Variants in PLEKHA5 observed in about 807,000 individuals in gnomAD.
The protein encoded by PLEKHA5 is pleckstrin homology domain containing A5, also known as pleckstrin homology domain-containing family A member 5.
In PLEKHA5, 55 loss-of-function variants were observed where a neutral mutation model predicts 181.9. The observed-to-expected ratio is 0.30, with a 90% CI of 0.24 to 0.38. The LOEUF (loss-of-function observed/expected upper bound fraction) is 0.38, where lower values mean the gene tolerates loss of function less well. Among genes scored for constraint, PLEKHA5 ranks in the 10% least tolerant of loss-of-function variants. The probability of loss-of-function intolerance (pLI) is 1.00; values close to 1 mark genes in which losing one functional copy is unlikely to be tolerated. For missense variants in PLEKHA5, 1,432 were observed against 1,549.5 expected (o/e 0.92, Z 1.27); for synonymous variants, 535 against 529.4 (o/e 1.01, Z -0.15).
intron 20 of PLEKHA5, among the ~76,000 whole-genome samples, chr12:19,328,454 G>A (rs1186918449): frequency 6.6e-6 from 1 of 151,982 alleles, no homozygotes; most frequent in African/African-American, 2.4e-5. Flanking sequence ...CATGAACATG[G>A]AATGTTTTTC....
chr12:19,267,166 A>C (rs986286678), intron 8 of PLEKHA5, among the ~76,000 whole-genome samples: 1 of 152,176 alleles, frequency 6.6e-6, no homozygotes, highest in Non-Finnish European at 1.5e-5. Flanking sequence ...GAGGTCACCT[A>C]GTTTTTCAGT....
intron 7 of PLEKHA5, among the ~76,000 whole-genome samples, 182 bp from the exon 8 acceptor site, chr12:19,265,568 T>C (rs927873246): frequency 6.6e-6 from 1 of 152,220 alleles, no homozygotes; most frequent in African/African-American, 2.4e-5. Flanking sequence ...GCAGTATATA[T>C]ACCAAAGTAT....
At chr12:19,305,811 G>C (rs565876421) in intron 15 of PLEKHA5, among the ~76,000 whole-genome samples, 72 of 134,714 alleles carry the variant, frequency 5.3e-4, no homozygotes, top group South Asian at 2.9e-3. Flanking sequence ...AGTGAGCCAA[G>C]ATTGCGCCAT....
intron 3 of PLEKHA5, among the ~76,000 whole-genome samples, chr12:19,245,723 CAAAAAAAAAAAAA>C (rs1177391924): frequency 1.2e-4 from 6 of 50,906 alleles, no homozygotes; most frequent in East Asian, 7.9e-4. Context: ...GTGAGACTGT[CAAAAAAAAAAAAA>C]AAAAAAAAAA....
At chr12:19,306,369 T>G in intron 15 of PLEKHA5, 2 of 496,418 alleles carry the variant, frequency 4.0e-6, no homozygotes, top group Non-Finnish European at 3.9e-6. Flanking sequence ...CCAACTAGCG[T>G]GCTCTCTTCC....
At chr12:19,175,922 G>A (rs960584776) in intron 3 of PLEKHA5, among the ~76,000 whole-genome samples, 1 of 152,026 alleles carries the variant, frequency 6.6e-6, no homozygotes, top group African/African-American at 2.4e-5. Context: ...GATTCTGCCC[G>A]GGTTGTACCC....
At chr12:19,227,011 AG>A (rs1387461219) in intron 3 of PLEKHA5, among the ~76,000 whole-genome samples, 1 of 152,134 alleles carries the variant, frequency 6.6e-6, no homozygotes, top group Non-Finnish European at 1.5e-5. Flanking sequence ...ATATCCTTCC[AG>A]TTCCCAGTTC....
chr12:19,174,251 T>C (rs1197788752), intron 3 of PLEKHA5, among the ~76,000 whole-genome samples: 4 of 152,164 alleles, frequency 2.6e-5, no homozygotes, highest in African/African-American at 9.7e-5. Context: ...GGCTCTTAAA[T>C]AGGTTTCGTT....
Position 19,274,774 on chromosome 12 carries a change from G to C in PLEKHA5, c.1104G>C (p.Gln368His), listed in dbSNP as rs549823350. The change falls in exon 11 of 32, where the codon CAG becomes CAC. Residue 368 changes from glutamine to histidine, a missense_variant. Gln to His is a conservative substitution (Grantham distance 24, BLOSUM62 0). Transcript: ENST00000429027. ...EYESGSACPA[Q>H]TVHYRPINLS... is the part of the protein sequence containing the mutation. ...AGAGTGGGTCAGCATGCCCTGCTCA[G>C]ACTGTGCACTACAGACCAATCAACT... 2.5e-6 allele frequency: 4 copies of C among 1,614,058 alleles called. No homozygotes were observed. Among genetic ancestry groups the C allele is most frequent in the South Asian group, 1.1e-5 (1 of 91,092 alleles).
intron 25 of PLEKHA5, among the ~76,000 whole-genome samples, chr12:19,351,346 G>A (rs2094582551): frequency 6.6e-6 from 1 of 152,112 alleles, no homozygotes; most frequent in Non-Finnish European, 1.5e-5. Flanking sequence ...AGACCAGCCT[G>A]GGCAACATAA....
chr12:19,139,125 T>C (rs978201365), intron 3 of PLEKHA5, among the ~76,000 whole-genome samples: 2 of 152,010 alleles, frequency 1.3e-5, no homozygotes, highest in African/African-American at 4.8e-5. Flanking sequence ...TGATCAAAGA[T>C]GTTAAAGACG....
chr12:19,325,129 C>T (rs963609505), intron 20 of PLEKHA5, among the ~76,000 whole-genome samples: 9 of 152,300 alleles, frequency 5.9e-5, no homozygotes, highest in Non-Finnish European at 7.3e-5. Context: ...TGCTGGCTCA[C>T]GCCTGTAATC....
At chr12:19,261,979 T>C (rs2068647977) in intron 7 of PLEKHA5, among the ~76,000 whole-genome samples, 3 of 152,202 alleles carry the variant, frequency 2.0e-5, no homozygotes, top group Non-Finnish European at 4.4e-5. Context: ...CCGTATAAAA[T>C]TGCATTTTGT....
chr12:19,291,439 G>A (rs566991974), intron 14 of PLEKHA5, among the ~76,000 whole-genome samples: 2 of 152,230 alleles, frequency 1.3e-5, no homozygotes, highest in African/African-American at 4.8e-5. Context: ...GCATGTCTAC[G>A]TAATTTCTTA....
intron 29 of PLEKHA5, among the ~76,000 whole-genome samples, chr12:19,361,925 C>T (rs968202387): frequency 4.6e-5 from 7 of 152,130 alleles, no homozygotes; most frequent in Non-Finnish European, 7.4e-5. Flanking sequence ...AATTCCAGCA[C>T]TTTGAAAGGC....
chr12:19,236,795 C>T (rs1320681632), intron 3 of PLEKHA5: 1 of 152,074 alleles, frequency 6.6e-6, no homozygotes, highest in Non-Finnish European at 1.5e-5. Context: ...CAGATTCTTC[C>T]TGGAGGAGCT....
intron 13 of PLEKHA5, 44 bp downstream of exon 13, chr12:19,287,600 C>A: frequency 9.2e-7 from 1 of 1,081,374 alleles, no homozygotes; most frequent in Non-Finnish European, 1.4e-6. Context: ...TATTTATGTG[C>A]TGCACAGGAA....
At chr12:19,141,295 C>T (rs1260953495) in intron 3 of PLEKHA5, among the ~76,000 whole-genome samples, 15 of 152,272 alleles carry the variant, frequency 9.9e-5, no homozygotes, top group East Asian at 3.9e-4. Flanking sequence ...AAAAAAATCT[C>T]GGACAAGGAC....
intron 3 of PLEKHA5, among the ~76,000 whole-genome samples, chr12:19,233,126 A>T (rs2060885792): frequency 6.6e-6 from 1 of 152,170 alleles, no homozygotes; most frequent in South Asian, 2.1e-4. Flanking sequence ...AATTATTTTA[A>T]AATTTACTTT....
Sources: gnomAD v4.1 joint callset for allele counts (sites outside exome capture counted in the v4.1 genomes callset) on GRCh38, gnomAD v4.1.1 for gene constraint, MANE v1.5 for transcripts, NCBI Gene and HGNC (gene_info 2026-07-23, HGNC 2026-07-21) for gene names.